Variants in SGCD observed in about 807,000 individuals in gnomAD.
SGCD encodes the protein delta-sarcoglycan.
Under a neutral mutation model 36.6 loss-of-function variants are expected in SGCD, and 18 were observed. The ratio of observed to expected loss-of-function variants is 0.49; its 90% CI spans 0.34 to 0.73. SGCD has a LOEUF of 0.73. SGCD is among the 30% of genes least tolerant of loss of function. The probability of loss-of-function intolerance (pLI) is 0.01; values close to 1 mark genes in which losing one functional copy is unlikely to be tolerated. For synonymous variants in SGCD, 133 were observed against 130.6 expected (o/e 1.02, Z -0.12); for missense variants, 387 against 346.7 (o/e 1.12, Z -0.92).
At chr5:156,029,925 C>A (rs1309698873) in intron 1 of SGCD, among the ~76,000 whole-genome samples, 1 of 152,146 alleles carries the variant, frequency 6.6e-6, no homozygotes, top group Admixed American at 6.6e-5. Flanking sequence ...CATTAAGCAG[C>A]CTTTCTTCCC....
intron 3 of SGCD, among the ~76,000 whole-genome samples, chr5:156,168,864 G>A (rs1011395605): frequency 1.3e-5 from 2 of 152,182 alleles, no homozygotes; most frequent in African/African-American, 4.8e-5. Context: ...GAATCAGCAA[G>A]AATAAACACA....
At chr5:156,343,039 G>A (rs908680800) in intron 2 of SGCD, among the ~76,000 whole-genome samples, 3 of 152,008 alleles carry the variant, frequency 2.0e-5, no homozygotes, top group Non-Finnish European at 2.9e-5. Context: ...GAATTCCACT[G>A]ATGCCTAACG....
At chr5:155,781,975 A>T in the SGCD span, among the ~76,000 whole-genome samples, 23 of 150,966 alleles carry the variant, frequency 1.5e-4, no homozygotes, top group Non-Finnish European at 3.1e-4. Context: ...GAGTAACTAC[A>T]GGTTTTCCAC....
intron 7 of SGCD, among the ~76,000 whole-genome samples, chr5:156,700,360 A>G (rs554301951): frequency 4.7e-4 from 71 of 152,188 alleles, no homozygotes; most frequent in African/African-American, 1.7e-3. Context: ...TCTTCTTGGT[A>G]GCTTTGTTTC....
rs371007864 is a variant in SGCD at position 156,534,192 on chromosome 5, A to T, written c.294+25490A>T. Among the ~76,000 whole-genome samples, 680 of 139,122 alleles carry T rather than the reference A, an allele frequency of 4.9e-3. 4 individuals carry two copies. Among genetic ancestry groups the T allele is most frequent in the African/African-American group, 0.015 (565 of 36,946 alleles). 91.3% of individuals were successfully genotyped at this position (139,122 alleles called of 152,430 possible). A position where few individuals can be genotyped will look rare whatever the true frequency, so the allele number is the denominator to read the frequency against. On this transcript the variant is annotated intron_variant, in intron 4 of 8. Coordinates refer to ENST00000337851, the MANE Select transcript of SGCD (RefSeq NM_000337.6). Reference sequence around the variant, plus strand: ...GACATCATTCTTTTTTTTTTTTGGCATGAAGATTTACATGAAGAAATTGTC... The same window carrying T: ...GACATCATTCTTTTTTTTTTTTGGCTTGAAGATTTACATGAAGAAATTGTC...
At chr5:156,158,698 A>C (rs1345998581) in intron 3 of SGCD, among the ~76,000 whole-genome samples, 1 of 151,664 alleles carries the variant, frequency 6.6e-6, no homozygotes, top group Non-Finnish European at 1.5e-5. Flanking sequence ...GTGGAGGAGC[A>C]AATGGAAGAT....
chr5:156,246,791 G>C (rs552064543), intron 3 of SGCD, among the ~76,000 whole-genome samples: 4 of 152,206 alleles, frequency 2.6e-5, no homozygotes, highest in South Asian at 4.1e-4. Flanking sequence ...GGCTTTCCGC[G>C]TTCCAGGAGT....
chr5:156,615,171 A>T (rs1404660782), intron 6 of SGCD, among the ~76,000 whole-genome samples: 1 of 152,234 alleles, frequency 6.6e-6, no homozygotes. Flanking sequence ...AGGCCAGTGC[A>T]ACTAAGAGGC....
At chr5:156,282,074 T>C (rs1766468790) in intron 3 of SGCD, among the ~76,000 whole-genome samples, 1 of 152,154 alleles carries the variant, frequency 6.6e-6, no homozygotes, top group African/African-American at 2.4e-5. Context: ...ACCATACATC[T>C]GAAATGTTAA....
chr5:155,840,068 T>C, the SGCD span, among the ~76,000 whole-genome samples: 1 of 137,792 alleles, frequency 7.3e-6, no homozygotes, highest in East Asian at 2.2e-4. Flanking sequence ...GATATTTCCT[T>C]TGACTTTTGT....
At chr5:156,277,005 C>T (rs1766334391) in intron 3 of SGCD, among the ~76,000 whole-genome samples, 1 of 152,088 alleles carries the variant, frequency 6.6e-6, no homozygotes, top group Non-Finnish European at 1.5e-5. Context: ...TAAAGTTTCA[C>T]AATGGTGGGT....
chr5:155,753,496 C>G, the SGCD span, among the ~76,000 whole-genome samples: 1 of 152,110 alleles, frequency 6.6e-6, no homozygotes, highest in African/African-American at 2.4e-5. Flanking sequence ...TTCAGGGAAG[C>G]CCATGTTTTG....
intron 7 of SGCD, among the ~76,000 whole-genome samples, chr5:156,711,342 C>A (rs994966465): frequency 5.9e-5 from 9 of 152,172 alleles, no homozygotes; most frequent in African/African-American, 2.2e-4. Flanking sequence ...CACATGGCCA[C>A]CATTGATGTA....
intron 6 of SGCD, among the ~76,000 whole-genome samples, chr5:156,606,494 T>C (rs1761461348): frequency 6.6e-6 from 1 of 152,226 alleles, no homozygotes; most frequent in Admixed American, 6.5e-5. Context: ...CCTCCAGCTT[T>C]GTTCTTTTAG....
intron 7 of SGCD, among the ~76,000 whole-genome samples, chr5:156,729,246 A>G (rs1755936185): frequency 6.6e-6 from 1 of 152,192 alleles, no homozygotes; most frequent in African/African-American, 2.4e-5. Flanking sequence ...AGACTAGTAC[A>G]CAATTACATG....
intron 3 of SGCD, among the ~76,000 whole-genome samples, chr5:156,360,245 ATTTT>A (rs34088944): frequency 1.3e-4 from 18 of 138,148 alleles, no homozygotes; most frequent in Non-Finnish European, 1.6e-4. Flanking sequence ...CCCTTTCCTA[ATTTT>A]TTTTTTTTTT....
At chr5:156,299,744 C>T (rs1767000853) in intron 3 of SGCD, among the ~76,000 whole-genome samples, 1 of 151,976 alleles carries the variant, frequency 6.6e-6, no homozygotes, top group East Asian at 1.9e-4. Context: ...GGCTGTTCAC[C>T]GTTGGCATGT....
At chr5:155,905,817 T>C (rs1054776850) in intron 1 of SGCD, among the ~76,000 whole-genome samples, 2 of 152,142 alleles carry the variant, frequency 1.3e-5, no homozygotes, top group African/African-American at 2.4e-5. Flanking sequence ...GCTGCCACCA[T>C]GTAAGAAGTA....
intron 4 of SGCD, among the ~76,000 whole-genome samples, chr5:156,516,665 G>T (rs1009305262): frequency 2.7e-4 from 41 of 152,202 alleles, no homozygotes; most frequent in African/African-American, 9.9e-4. Flanking sequence ...CTGAGGCTGA[G>T]ATGAATGAAC....
Sources: allele counts gnomAD v4.1 joint callset (sites outside exome capture counted in the v4.1 genomes callset), GRCh38; gene constraint gnomAD v4.1.1; transcripts MANE v1.5; gene names NCBI Gene and HGNC (gene_info 2026-07-23, HGNC 2026-07-21).